KIAA1217: variants seen among roughly 807,000 people sequenced by gnomAD.
The protein encoded by KIAA1217 is sickle tail protein homolog.
A neutral mutation model predicts 163.9 loss-of-function variants in KIAA1217; 88 were observed. The ratio of observed to expected loss-of-function variants is 0.54; its 90% confidence interval spans 0.45 to 0.64. The LOEUF (loss-of-function observed/expected upper bound fraction) is 0.64, where lower values mean the gene tolerates loss of function less well. Ranked by LOEUF, KIAA1217 falls within the 30% of genes least tolerant of loss-of-function variation. The pLI is 0.00. For missense variants in KIAA1217, 2,372 were observed against 2,475.0 expected (o/e 0.96, Z 0.88); for synonymous variants, 903 against 923.1 (o/e 0.98, Z 0.39).
At chr10:24,453,504 G>C (rs1483630595) in intron 5 of KIAA1217, among the ~76,000 whole-genome samples, 1 of 152,192 alleles carries the variant, frequency 6.6e-6, no homozygotes, top group African/African-American at 2.4e-5. Flanking sequence ...AGGAGAATAG[G>C]CCATCATGTC....
chr10:23,841,684 G>A (rs375957505), intron 1 of KIAA1217, among the ~76,000 whole-genome samples: 25 of 151,188 alleles, frequency 1.7e-4, no homozygotes, highest in African/African-American at 5.3e-4. Context: ...ATAATTCTTC[G>A]TTGCAAAAAC....
At position 24,546,942 on chromosome 10, in the gene KIAA1217, T is replaced by C. The variant is rs1029055319; in HGVS notation, c.*618T>C. ...TACATGAGCCCTACAGACAGGCATGTGTAGAAGGCAATTTATCAAACCTAT... is the reference window on the plus strand; with the variant it reads ...TACATGAGCCCTACAGACAGGCATGCGTAGAAGGCAATTTATCAAACCTAT... On this transcript the variant is annotated 3_prime_UTR_variant, in exon 21 of 21. Transcript: ENST00000376454. The C allele has an allele frequency of 6.6e-6, 1 of 152,590 alleles. No individual in the cohort carries two copies. Among genetic ancestry groups the C allele is most frequent in the South Asian group, 2.1e-4 (1 of 4,810 alleles). The allele number at this position is 152,590 out of a possible 1,614,324, so 9.5% of individuals were successfully genotyped here.
At chr10:24,014,474 A>G (rs529112029) in intron 2 of KIAA1217, among the ~76,000 whole-genome samples, 2 of 152,284 alleles carry the variant, frequency 1.3e-5, no homozygotes, top group African/African-American at 4.8e-5. Context: ...CTTGTTGGAA[A>G]CAAAAGACTG....
intron 4 of KIAA1217, among the ~76,000 whole-genome samples, chr10:24,436,333 G>C: frequency 6.6e-6 from 1 of 152,028 alleles, no homozygotes; most frequent in South Asian, 2.1e-4. Flanking sequence ...TGACAGTAAT[G>C]TTTATGCTAT....
At chr10:24,030,061 A>G (rs1848128353) in intron 2 of KIAA1217, among the ~76,000 whole-genome samples, 1 of 152,194 alleles carries the variant, frequency 6.6e-6, no homozygotes, top group Non-Finnish European at 1.5e-5. Flanking sequence ...AGAGTGGGCC[A>G]TTATCTAACC....
At chr10:24,398,106 AG>A (rs1247144284) in intron 3 of KIAA1217, among the ~76,000 whole-genome samples, 5 of 152,230 alleles carry the variant, frequency 3.3e-5, no homozygotes, top group Admixed American at 1.3e-4. Context: ...AACTACTAAT[AG>A]CCTACCATTG....
chr10:23,947,426 G>A (rs545589871), intron 1 of KIAA1217, among the ~76,000 whole-genome samples: 104 of 152,254 alleles, frequency 6.8e-4, no homozygotes, highest in Admixed American at 1.9e-3. Flanking sequence ...GAGTAATCAC[G>A]TTATGTGCAA....
chr10:24,406,797 T>C (rs960345628), intron 3 of KIAA1217, among the ~76,000 whole-genome samples: 1 of 152,182 alleles, frequency 6.6e-6, no homozygotes, highest in Non-Finnish European at 1.5e-5. Context: ...GTGTACAGAT[T>C]TCAGCATTGG....
intron 2 of KIAA1217, among the ~76,000 whole-genome samples, chr10:24,067,770 T>C (rs1294064301): frequency 6.6e-6 from 1 of 152,266 alleles, no homozygotes; most frequent in Non-Finnish European, 1.5e-5. Flanking sequence ...GCAGGCCTCC[T>C]TGAGCTGTGG....
intron 2 of KIAA1217, among the ~76,000 whole-genome samples, chr10:24,033,600 A>C (rs1848277671): frequency 6.6e-6 from 1 of 152,212 alleles, no homozygotes; most frequent in Non-Finnish European, 1.5e-5. Flanking sequence ...TAAATTTAAG[A>C]AATTATTCAC....
chr10:24,415,268 C>A (rs959774127), intron 3 of KIAA1217, among the ~76,000 whole-genome samples: 6 of 151,978 alleles, frequency 3.9e-5, no homozygotes, highest in African/African-American at 1.5e-4. Flanking sequence ...GCACCTGCCA[C>A]CATGCCCGGT....
At chr10:24,355,137 G>GCA (rs1223280112) in intron 2 of KIAA1217, among the ~76,000 whole-genome samples, 1 of 152,162 alleles carries the variant, frequency 6.6e-6, no homozygotes, top group Non-Finnish European at 1.5e-5. Flanking sequence ...ACTGGTGAGG[G>GCA]CAGGCAGGTT....
intron 2 of KIAA1217, among the ~76,000 whole-genome samples, chr10:24,237,070 T>A (rs890345886): frequency 6.6e-6 from 1 of 152,228 alleles, no homozygotes; most frequent in African/African-American, 2.4e-5. Context: ...AAAAAATAGC[T>A]CATCTACATG....
At chr10:24,354,746 C>CTCTGCTCTTCTGCTCCTCTGCTCT (rs2048871027) in intron 2 of KIAA1217, among the ~76,000 whole-genome samples, 4 of 148,666 alleles carry the variant, frequency 2.7e-5, no homozygotes, top group Non-Finnish European at 5.9e-5. Context: ...TCCTCTGCTC[C>CTCTGCTCTTCTGCTCCTCTGCTCT]TCTGCTCTTC....
intron 2 of KIAA1217, among the ~76,000 whole-genome samples, chr10:24,281,671 G>T (rs2077944460): frequency 6.6e-6 from 1 of 152,116 alleles, no homozygotes; most frequent in South Asian, 2.1e-4. Context: ...CTTGTCTGAT[G>T]ATTTTATCAT....
chr10:23,783,022 G>A (rs1015197758), intron 1 of KIAA1217, among the ~76,000 whole-genome samples: 1 of 152,090 alleles, frequency 6.6e-6, no homozygotes, highest in African/African-American at 2.4e-5. Flanking sequence ...TACCTAAATT[G>A]TTTTGAGTTT....
At chr10:24,314,662 C>T (rs2043125870) in intron 2 of KIAA1217, among the ~76,000 whole-genome samples, 1 of 152,146 alleles carries the variant, frequency 6.6e-6, no homozygotes, top group African/African-American at 2.4e-5. Context: ...TACATATTGG[C>T]CGGGTGCAGT....
intron 1 of KIAA1217, among the ~76,000 whole-genome samples, chr10:23,818,332 T>TATATATATATAAAAAATATATATA: frequency 8.1e-6 from 1 of 123,278 alleles, no homozygotes; most frequent in Non-Finnish European, 1.6e-5. Context: ...TATATATATT[T>TATATATATATAAAAAATATATATA]TATATATATA....
At chr10:23,852,370 C>G (rs1415603329) in intron 1 of KIAA1217, among the ~76,000 whole-genome samples, 1 of 152,146 alleles carries the variant, frequency 6.6e-6, no homozygotes, top group Non-Finnish European at 1.5e-5. Flanking sequence ...TTCCATTGAT[C>G]TATATCTCTG....
Sources: allele counts gnomAD v4.1 joint callset (sites outside exome capture counted in the v4.1 genomes callset), GRCh38; gene constraint gnomAD v4.1.1; transcripts MANE v1.5; gene names NCBI Gene and HGNC (gene_info 2026-07-23, HGNC 2026-07-21).